CACNA2D3: variants seen among roughly 807,000 people sequenced by gnomAD.
CACNA2D3 encodes calcium voltage-gated channel auxiliary subunit alpha2delta 3.
Under a neutral mutation model 160.6 loss-of-function variants are expected in CACNA2D3, and 60 were observed. The observed-to-expected ratio is 0.37, with a 90% CI of 0.30 to 0.46. CACNA2D3 has a LOEUF of 0.46. Among genes scored for constraint, CACNA2D3 ranks in the 20% least tolerant of loss-of-function variants. The pLI is 1.00. For missense variants in CACNA2D3, 1,205 were observed against 1,365.0 expected, an observed-to-expected ratio of 0.88 and a Z score of 1.85; for synonymous variants, 558 against 492.9, an observed-to-expected ratio of 1.13 and a Z score of -1.75.
chr3:54,784,889 G>A (rs1702605265), intron 13 of CACNA2D3, among the ~76,000 whole-genome samples: 1 of 152,164 alleles, frequency 6.6e-6, no homozygotes, highest in Non-Finnish European at 1.5e-5. Context: ...CTTCCTGAAA[G>A]TCCACCACAT....
intron 4 of CACNA2D3, among the ~76,000 whole-genome samples, chr3:54,394,149 G>A (rs184090810): frequency 3.3e-5 from 5 of 152,066 alleles, no homozygotes; most frequent in Admixed American, 6.5e-5. Flanking sequence ...AATCGTCAGA[G>A]CACCCCTTCT....
intron 2 of CACNA2D3, among the ~76,000 whole-genome samples, chr3:54,257,099 G>T (rs1159177283): frequency 1.3e-5 from 2 of 152,214 alleles, no homozygotes; most frequent in African/African-American, 4.8e-5. Context: ...TTCACTTGCT[G>T]CAGTGACTAG....
intron 13 of CACNA2D3, among the ~76,000 whole-genome samples, chr3:54,791,434 T>C (rs981635055): frequency 6.6e-6 from 1 of 152,226 alleles, no homozygotes; most frequent in Non-Finnish European, 1.5e-5. Flanking sequence ...CATATGTGAT[T>C]AGACATTTTC....
chr3:54,142,324 T>G (rs1252827349), intron 2 of CACNA2D3, among the ~76,000 whole-genome samples: 1 of 152,228 alleles, frequency 6.6e-6, no homozygotes, highest in Non-Finnish European at 1.5e-5. Flanking sequence ...ATTCTCAGTC[T>G]TCCTGGCCTG....
At chr3:54,603,901 T>C (rs1222763243) in intron 9 of CACNA2D3, among the ~76,000 whole-genome samples, 3 of 152,220 alleles carry the variant, frequency 2.0e-5, no homozygotes, top group Non-Finnish European at 4.4e-5. Flanking sequence ...TTAACTTATC[T>C]AAATGTCTTT....
At chr3:54,261,316 A>G (rs935854366) in intron 2 of CACNA2D3, among the ~76,000 whole-genome samples, 1 of 152,246 alleles carries the variant, frequency 6.6e-6, no homozygotes, top group African/African-American at 2.4e-5. Flanking sequence ...TCTGGTGTCC[A>G]GTTTTATTTT....
intron 11 of CACNA2D3, among the ~76,000 whole-genome samples, chr3:54,695,572 T>G (rs1408730425): frequency 6.6e-6 from 1 of 152,182 alleles, no homozygotes; most frequent in African/African-American, 2.4e-5. Flanking sequence ...GTACCAGTGC[T>G]CTCTTCCCCT....
intron 11 of CACNA2D3, among the ~76,000 whole-genome samples, chr3:54,644,864 G>A (rs1250345484): frequency 6.6e-6 from 1 of 152,190 alleles, no homozygotes; most frequent in Admixed American, 6.5e-5. Flanking sequence ...CTGAAGAATA[G>A]GGTTTAGATA....
chr3:54,463,636 C>T (rs150123601), intron 4 of CACNA2D3, among the ~76,000 whole-genome samples: 251 of 152,274 alleles, frequency 1.6e-3, no homozygotes, highest in Admixed American at 4.0e-3. Context: ...CTCCTTTAAG[C>T]ACTTCTCTAT....
chr3:54,235,793 AT>A (rs1213519989), intron 2 of CACNA2D3, among the ~76,000 whole-genome samples: 1 of 152,234 alleles, frequency 6.6e-6, no homozygotes, highest in African/African-American at 2.4e-5. Flanking sequence ...ATTGCAAATA[AT>A]TTAAGTAGCT....
intron 3 of CACNA2D3, among the ~76,000 whole-genome samples, chr3:54,326,198 A>G (rs1704117312): frequency 6.6e-6 from 1 of 152,220 alleles, no homozygotes; most frequent in African/African-American, 2.4e-5. Flanking sequence ...CATTTTTCCT[A>G]GGAAACGAAT....
At chr3:54,645,592 C>T (rs1456534419) in intron 11 of CACNA2D3, among the ~76,000 whole-genome samples, 1 of 152,174 alleles carries the variant, frequency 6.6e-6, no homozygotes, top group African/African-American at 2.4e-5. Flanking sequence ...TTCCCTCCCA[C>T]AGGTGTGGAG....
intron 13 of CACNA2D3, among the ~76,000 whole-genome samples, chr3:54,784,475 C>A (rs1322803023): frequency 4.6e-5 from 7 of 152,038 alleles, no homozygotes; most frequent in Non-Finnish European, 8.8e-5. Flanking sequence ...TGTTTTGCTC[C>A]CCCCAAATAG....
chr3:54,605,661 C>T (rs151017238), intron 9 of CACNA2D3, among the ~76,000 whole-genome samples: 8 of 152,286 alleles, frequency 5.3e-5, no homozygotes, highest in Admixed American at 5.2e-4. Context: ...ATTGCCCCCA[C>T]CCACTAGTAT....
chr3:54,613,647 A>T lies in CACNA2D3; in HGVS notation c.964-14140A>T, dbSNP rs560533238. Among the ~76,000 whole-genome samples, 46 of 152,298 alleles carry T rather than the reference A, an allele frequency of 3.0e-4. 1 individual carries two copies. In the Middle Eastern group the frequency reaches 0.02, roughly 68 times the overall value. The stretch of plus-strand genomic sequence containing the variant: ...TGATCCTTAAACAACCACTGTAGCC[A>T]ATAACTTAGTGAACACAAACACTGA... On this transcript the variant is annotated intron_variant, in intron 9 of 37. Coordinates refer to ENST00000474759, the MANE Select transcript of CACNA2D3 (RefSeq NM_018398.3).
At chr3:54,715,050 T>A (rs1047750259) in intron 11 of CACNA2D3, among the ~76,000 whole-genome samples, 1 of 152,170 alleles carries the variant, frequency 6.6e-6, no homozygotes, top group Non-Finnish European at 1.5e-5. Flanking sequence ...TCTGACACTA[T>A]CTACCTGGAG....
At chr3:55,025,900 G>A (rs143498396) in intron 35 of CACNA2D3, among the ~76,000 whole-genome samples, 164 of 151,990 alleles carry the variant, frequency 1.1e-3, no homozygotes, top group African/African-American at 3.8e-3. Flanking sequence ...ATAAAGCCCC[G>A]GGAGTCTGGG....
chr3:54,336,285 G>T (rs1293930491), intron 3 of CACNA2D3, among the ~76,000 whole-genome samples: 2 of 152,326 alleles, frequency 1.3e-5, no homozygotes, highest in East Asian at 3.9e-4. Context: ...CTGCATTGCA[G>T]TGTCTTCCTT....
At chr3:54,823,242 A>ATTTT (rs1219510315) in intron 14 of CACNA2D3, among the ~76,000 whole-genome samples, 3 of 152,226 alleles carry the variant, frequency 2.0e-5, no homozygotes, top group African/African-American at 7.2e-5. Flanking sequence ...AAGGGGAAAA[A>ATTTT]TCAGGGTTTA....
Sources: gnomAD v4.1 joint callset for allele counts (sites outside exome capture counted in the v4.1 genomes callset) on GRCh38, gnomAD v4.1.1 for gene constraint, MANE v1.5 for transcripts, NCBI Gene and HGNC (gene_info 2026-07-23, HGNC 2026-07-21) for gene names.